The following PCDH17 variants were observed in gnomAD, a reference collection of about 807,000 sequenced individuals.
The protein encoded by PCDH17 is protocadherin 17, also known as protocadherin-17.
A neutral mutation model predicts 67.7 loss-of-function variants in PCDH17; 21 were observed. That is an observed-to-expected ratio of 0.31 (90% CI 0.22 to 0.45). PCDH17 has a LOEUF of 0.45. PCDH17 is among the 20% of genes least tolerant of loss of function. The probability of loss-of-function intolerance (pLI) is 1.00; values close to 1 mark genes in which losing one functional copy is unlikely to be tolerated. For missense variants in PCDH17, 1,471 were observed against 1,564.8 expected, an observed-to-expected ratio of 0.94 and a Z score of 1.01; for synonymous variants, 701 against 656.7, an observed-to-expected ratio of 1.07 and a Z score of -1.03.
Position 57,726,663 on chromosome 13 carries a change from T to C in PCDH17, c.*1369T>C, listed in dbSNP as rs1383086393. 2 of 152,644 alleles carry C rather than the reference T, an allele frequency of 1.3e-5. No homozygotes were observed. The highest frequency in any genetic ancestry group is 4.8e-5 in the African/African-American group (2 of 41,464). The allele number at this position is 152,644 out of a possible 1,614,324, so 9.5% of individuals were successfully genotyped here. A position where few individuals can be genotyped will look rare whatever the true frequency, so the allele number is the denominator to read the frequency against. ...TCCATCAGTCATGGTTATGTGCAAG[T>C]CCTTGTAGAAGCTTTTATTAAAGTC... On this transcript the variant is annotated 3_prime_UTR_variant, in exon 4 of 4. Coordinates refer to ENST00000377918, the MANE Select transcript of PCDH17 (RefSeq NM_001040429.3).
chr13:57,713,290 C>T (rs970251752), intron 3 of PCDH17, among the ~76,000 whole-genome samples: 18 of 151,726 alleles, frequency 1.2e-4, no homozygotes, highest in Non-Finnish European at 2.2e-4. Context: ...CTTTAGAACA[C>T]GGATATTGAG....
intron 1 of PCDH17, among the ~76,000 whole-genome samples, chr13:57,636,919 A>G (rs1179003830): frequency 6.6e-6 from 1 of 152,076 alleles, no homozygotes; most frequent in Non-Finnish European, 1.5e-5. Context: ...GTGGTGCAGA[A>G]TTTTCAACAA....
chr13:57,647,614 C>G (rs1954980602), intron 1 of PCDH17, among the ~76,000 whole-genome samples: 1 of 151,720 alleles, frequency 6.6e-6, no homozygotes, highest in Non-Finnish European at 1.5e-5. Flanking sequence ...TATTATGTTT[C>G]TCATTTTAAA....
rs191077807 is a variant in PCDH17, at chr13:57,688,356, G to T, written c.2797+21523G>T. ...AAAAACTTTGGGAAAAATTGTGTTT[G>T]TGTGTGTTAAGTGTGATAAAATTTC... On this transcript the variant is annotated intron_variant, in intron 3 of 3. Transcript: ENST00000377918. Among the ~76,000 whole-genome samples, 1,361 of 151,996 alleles carry T rather than the reference G, an allele frequency of 9.0e-3. 12 individuals carry two copies. The highest frequency in any genetic ancestry group is 0.014 in the Non-Finnish European group (980 of 67,920).
chr13:57,688,902 G>C (rs1423537427), intron 3 of PCDH17, among the ~76,000 whole-genome samples: 1 of 151,946 alleles, frequency 6.6e-6, no homozygotes, highest in African/African-American at 2.4e-5. Flanking sequence ...GAGAAGTTTT[G>C]CTATTGTATC....
chr13:57,715,283 A>G (rs1388040293), intron 3 of PCDH17, among the ~76,000 whole-genome samples: 1 of 151,814 alleles, frequency 6.6e-6, no homozygotes, highest in Non-Finnish European at 1.5e-5. Context: ...TACTGAAATG[A>G]GTAATTTATA....
At chr13:57,637,249 T>G (rs1462903108) in intron 1 of PCDH17, among the ~76,000 whole-genome samples, 1 of 152,140 alleles carries the variant, frequency 6.6e-6, no homozygotes, top group African/African-American at 2.4e-5. Flanking sequence ...CAGTGGCTAA[T>G]TTTCCCATAT....
intron 3 of PCDH17, among the ~76,000 whole-genome samples, chr13:57,699,100 A>G (rs971784826): frequency 6.6e-6 from 1 of 151,944 alleles, no homozygotes; most frequent in Non-Finnish European, 1.5e-5. Flanking sequence ...TGTCCTAGAT[A>G]ATTACCAGCC....
At chr13:57,640,398 T>C (rs183392819) in intron 1 of PCDH17, among the ~76,000 whole-genome samples, 25 of 152,162 alleles carry the variant, frequency 1.6e-4, no homozygotes, top group African/African-American at 5.3e-4. Flanking sequence ...TGTATAAATG[T>C]ATATGTCTTT....
chr13:57,703,904 T>C (rs1349488522), intron 3 of PCDH17, among the ~76,000 whole-genome samples: 1 of 152,122 alleles, frequency 6.6e-6, no homozygotes, highest in African/African-American at 2.4e-5. Flanking sequence ...TTTTCAGTTG[T>C]AGAATACACA....
At chr13:57,722,267 G>A (rs925815286) in intron 3 of PCDH17, among the ~76,000 whole-genome samples, 1 of 152,080 alleles carries the variant, frequency 6.6e-6, no homozygotes, top group Non-Finnish European at 1.5e-5. Flanking sequence ...TTCATTCAGT[G>A]TTAGCTATCC....
At chr13:57,668,682 A>T (rs1247708469) in intron 3 of PCDH17, among the ~76,000 whole-genome samples, 2 of 152,082 alleles carry the variant, frequency 1.3e-5, no homozygotes, top group African/African-American at 4.8e-5. Flanking sequence ...CATAAATTTT[A>T]AATAATATTG....
chr13:57,686,924 T>G (rs989846460), intron 3 of PCDH17, among the ~76,000 whole-genome samples: 1 of 152,044 alleles, frequency 6.6e-6, no homozygotes, highest in African/African-American at 2.4e-5. Flanking sequence ...CAAATCTTTT[T>G]GTTATGACTA....
chr13:57,655,373 G>A (rs1955089806), intron 1 of PCDH17, among the ~76,000 whole-genome samples: 1 of 151,672 alleles, frequency 6.6e-6, no homozygotes, highest in Non-Finnish European at 1.5e-5. Context: ...CAAAATTATT[G>A]TATTCATAAA....
chr13:57,666,699 G>A lies in PCDH17; in HGVS notation c.2663G>A (p.Arg888Lys). 6.2e-7 allele frequency: 1 copy of A among 1,613,512 alleles called. No homozygotes were observed. The highest frequency in any genetic ancestry group is 8.5e-7 in the Non-Finnish European group (1 of 1,179,654). ...AAGGACCCAGAAAGAGCCAGCCTGA[G>A]AGACAGTGGGCACGGGGACAGTGAT... ...TFKDPERASL[R>K]DSGHGDSDQA... The change falls in exon 3 of 4, where the codon AGA becomes AAA. Residue 888 changes from arginine to lysine, a missense_variant. Transcript: ENST00000377918.
intron 3 of PCDH17, among the ~76,000 whole-genome samples, chr13:57,701,897 A>T (rs951087957): frequency 6.6e-6 from 1 of 152,144 alleles, no homozygotes; most frequent in Non-Finnish European, 1.5e-5. Context: ...AAGTGTATTA[A>T]AAACAACAGC....
At chr13:57,673,970 C>G (rs1955356388) in intron 3 of PCDH17, among the ~76,000 whole-genome samples, 2 of 151,938 alleles carry the variant, frequency 1.3e-5, no homozygotes, top group African/African-American at 4.8e-5. Context: ...GCAACTGCCC[C>G]CACAGTTTAC....
rs1375857261 is a variant in PCDH17 at position 57,634,342 on chromosome 13, G to T, written c.1796G>T (p.Arg599Leu). The T allele has an allele frequency of 6.2e-7, 1 of 1,612,728 alleles. No homozygotes were observed. Among genetic ancestry groups the T allele is most frequent in the Non-Finnish European group, 8.5e-7 (1 of 1,180,000 alleles). The change falls in exon 1 of 4, where the codon CGC (arginine) becomes CTC (leucine). Residue 599 changes from arginine to leucine, a missense_variant. Physicochemically the swap from Arg to Leu is moderately radical, Grantham distance 102. This residue lies in a region of PCDH17 where 1,163 missense variants were observed against 1,230.0 expected (regional missense o/e 0.95). Coordinates refer to ENST00000377918, the MANE Select transcript of PCDH17 (RefSeq NM_001040429.3). The surrounding 1 kb of genome is among the most constrained non-coding windows in gnomAD (Gnocchi z 7.8). ...GACACCGCGGAGCTGCAGGTGCCGCGCAACGCTGGCCTGGGCTATCTGGTG... is the reference window on the plus strand; with the variant it reads ...GACACCGCGGAGCTGCAGGTGCCGCTCAACGCTGGCCTGGGCTATCTGGTG... ...QNDTAELQVPRNAGLGYLVST... is the reference protein window; with the variant it reads ...QNDTAELQVPLNAGLGYLVST...
chr13:57,677,504 CA>C (rs1955404956), intron 3 of PCDH17, among the ~76,000 whole-genome samples: 1 of 151,662 alleles, frequency 6.6e-6, no homozygotes, highest in African/African-American at 2.4e-5. Context: ...GATATATATA[CA>C]GTGTTTCAAA....
Sources: gnomAD v4.1 joint callset for allele counts (sites outside exome capture counted in the v4.1 genomes callset) on GRCh38, gnomAD v4.1.1 for gene constraint, gnomAD v4.1.1 regional missense constraint, Gnocchi (gnomAD v3.1) non-coding constraint, MANE v1.5 for transcripts, NCBI Gene and HGNC (gene_info 2026-07-23, HGNC 2026-07-21) for gene names.